Variants in RTBDN observed in about 807,000 individuals in gnomAD.
The protein encoded by RTBDN is retbindin.
RTBDN carries 24 observed loss-of-function variants against 21.9 expected under a neutral mutation model. That is an observed-to-expected ratio of 1.10 (90% CI 0.79 to 1.54). The LOEUF is 1.54. RTBDN is among the 40% of genes most tolerant of loss of function. The pLI, the probability that RTBDN is intolerant of heterozygous loss-of-function variation, is 0.00. For missense variants in RTBDN, 325 were observed against 315.2 expected (o/e 1.03, Z -0.23); for synonymous variants, 141 against 125.9 (o/e 1.12, Z -0.80).
At position 12,834,166 on chromosome 19, in the gene RTBDN, C is replaced by T. The variant is rs1053390481; in HGVS notation, c.-19+323G>A. Among the ~76,000 whole-genome samples the T allele has an allele frequency of 6.6e-6, 1 of 152,116 alleles. No individual in the cohort carries two copies. The highest frequency in any genetic ancestry group is 2.4e-5 in the African/African-American group (1 of 41,444). On this transcript the variant is annotated intron_variant, in intron 1 of 5. Transcript: ENST00000674343. The surrounding 1 kb of genome is among the most constrained non-coding windows in gnomAD (Gnocchi z 4.7). ...GGAACGCTGTGGCCGCGCGTCCCGC[C>T]GCGCTGGGGACCCCGCCCCTCAGGC...
In RTBDN at chr19:12,829,894, C is replaced by A; in HGVS notation, c.86G>T (p.Gly29Val). ...TLAWILLEAC[G>V]GSRPLQARSQ... The stretch of plus-strand genomic sequence containing the variant: ...CCTGGCTTGGAGTGGGCGGCTCCCT[C>A]CACAGGCTTCTAGCAGGATCCATGC... The change falls in exon 2 of 6, where the codon GGA becomes GTA. Residue 29 changes from glycine to valine, a missense_variant. Physicochemically the swap from Gly to Val is moderately radical, Grantham distance 109. Transcript: ENST00000674343. 6.2e-7 allele frequency: 1 copy of A among 1,614,166 alleles called. No individual in the cohort carries two copies. The highest frequency in any genetic ancestry group is 8.5e-7 in the Non-Finnish European group (1 of 1,180,030).
At position 12,830,677 on chromosome 19, in the gene RTBDN, G is replaced by A. The variant is rs919738191; in HGVS notation, c.-18-680C>T. The stretch of plus-strand genomic sequence containing the variant: ...CAGGATCCAGTCCAGGAAACTGGCT[G>A]CTGAAAGGGGCGTGGCTTAATGCAG... On this transcript the variant is annotated intron_variant, in intron 1 of 5. Coordinates refer to ENST00000674343, the MANE Select transcript of RTBDN (RefSeq NM_001270441.2). The surrounding 1 kb of genome is among the most constrained non-coding windows in gnomAD (Gnocchi z 4.2). 27 of 985,460 alleles carry A rather than the reference G, an allele frequency of 2.7e-5. No homozygotes were observed. Among genetic ancestry groups the A allele is most frequent in the Non-Finnish European group, 1.2e-5 (10 of 830,032 alleles). 61.0% of individuals were successfully genotyped at this position (985,460 alleles called of 1,614,324 possible).
chr19:12,827,098 C>T (rs2145846195), intron 4 of RTBDN, among the ~76,000 whole-genome samples: 1 of 152,240 alleles, frequency 6.6e-6, no homozygotes, highest in East Asian at 1.9e-4. Context: ...CTTGTCCCTA[C>T]AGACCTCAGA....
chr19:12,828,799 T>G (rs1205805270), intron 3 of RTBDN, 32 bp from the exon 4 acceptor site: 1 of 1,613,200 alleles, frequency 6.2e-7, no homozygotes, highest in Non-Finnish European at 8.5e-7. Flanking sequence ...GTCGGATGGG[T>G]CAGGACCCGA....
chr19:12,828,930 C>G lies in RTBDN; in HGVS notation c.193G>C (p.Asp65His). The change falls in exon 3 of 6, where the codon GAC becomes CAC. Residue 65 changes from aspartate (D) to histidine (H), a missense_variant. Transcript: ENST00000674343. ...CCAGGGCCCGATGTCTCTGTTGTGT[C>G]CATCTCTGAGGGACAACAAGGTCCT... is the stretch of plus-strand genomic sequence containing the variant. ...LAGPCCPSEM[D>H]TTETSGPGNH... The G allele has an allele frequency of 6.2e-7, 1 of 1,614,148 alleles. No individual in the cohort carries two copies. Among genetic ancestry groups the G allele is most frequent in the Non-Finnish European group, 8.5e-7 (1 of 1,180,020 alleles).
rs755302507 is a variant in RTBDN, at chr19:12,828,729, C to T, written c.293G>A (p.Arg98His). The T allele has an allele frequency of 2.5e-6, 4 of 1,614,052 alleles. No individual in the cohort carries two copies. The highest frequency in any genetic ancestry group is 4.5e-5 in the East Asian group (2 of 44,894). ...CAATAGCCGCAGGCGGAAGCGACTGCGAAGGGCACGTTGGAGGTGTTCCAG... is the reference window on the plus strand; with the variant it reads ...CAATAGCCGCAGGCGGAAGCGACTGTGAAGGGCACGTTGGAGGTGTTCCAG... ...SFLEHLQRAL[R>H]SRFRLRLLGV... Residue 98 changes from arginine to histidine, a missense_variant, in exon 4 of 6, where the codon CGC becomes CAC. Coordinates refer to ENST00000674343, the MANE Select transcript of RTBDN (RefSeq NM_001270441.2).
chr19:12,826,638 G>A (rs1281302411), intron 5 of RTBDN, 137 bp downstream of exon 5: 3 of 737,434 alleles, frequency 4.1e-6, no homozygotes, highest in Admixed American at 2.6e-5. Flanking sequence ...AGGTTGCATC[G>A]AGCTGAGATC....
chr19:12,826,917 T>C, intron 4 of RTBDN, 46 bp from the exon 5 acceptor site: 8 of 1,333,974 alleles, frequency 6.0e-6, no homozygotes, highest in Non-Finnish European at 7.4e-6. Context: ...TGTAGTTACA[T>C]TCCAGCGCGA....
Position 12,834,387 on chromosome 19 carries a change from C to T in RTBDN, c.-19+102G>A. 2.2e-6 allele frequency: 2 copies of T among 891,356 alleles called. No individual in the cohort carries two copies. Among genetic ancestry groups the T allele is most frequent in the Non-Finnish European group, 3.5e-6 (2 of 574,954 alleles). 55.2% of individuals were successfully genotyped at this position (891,356 alleles called of 1,614,324 possible). ...TAGGGCTCATGCCCCTCGGGGCCAT[C>T]GGCGCCGCTGGAGGCGTAAACATGT... On this transcript the variant is annotated intron_variant, in intron 1 of 5. Coordinates refer to ENST00000674343, the MANE Select transcript of RTBDN (RefSeq NM_001270441.2). This position sits in a 1 kb window ranked among gnomAD's most constrained non-coding sequence, Gnocchi z 4.7.
chr19:12,826,070 C>T (rs1456348653), intron 5 of RTBDN, 137 bp from the exon 6 acceptor site: 5 of 1,407,642 alleles, frequency 3.6e-6, no homozygotes, highest in Non-Finnish European at 3.7e-6. Context: ...AGTCTATGTG[C>T]GGAACGTGAG....
intron 4 of RTBDN, among the ~76,000 whole-genome samples, chr19:12,827,423 A>G (rs1232164862): frequency 6.6e-6 from 1 of 151,200 alleles, no homozygotes; most frequent in African/African-American, 2.4e-5. Flanking sequence ...CCCAGGTTCA[A>G]ACAATTCTCC....
chr19:12,834,669 G>C (rs2145871913), upstream of RTBDN: 1 of 1,538,792 alleles, frequency 6.5e-7, no homozygotes, highest in Non-Finnish European at 8.9e-7. This position sits in a 1 kb window ranked among gnomAD's most constrained non-coding sequence, Gnocchi z 4.7. Flanking sequence ...AGAAGATGCT[G>C]GTCTCGAGGC....
At chr19:12,826,627 G>A in intron 5 of RTBDN, 148 bp downstream of exon 5, 1 of 720,248 alleles carries the variant, frequency 1.4e-6, no homozygotes, top group Non-Finnish European at 2.3e-6. Flanking sequence ...CCCGGAGGCG[G>A]AGGTTGCATC....
intron 4 of RTBDN, among the ~76,000 whole-genome samples, chr19:12,827,294 T>C (rs1360722024): frequency 2.6e-5 from 4 of 151,246 alleles, no homozygotes; most frequent in African/African-American, 7.3e-5. Context: ...CCTGGGACTA[T>C]AGGTGCGCAC....
chr19:12,826,962 C>T, intron 4 of RTBDN, 91 bp from the exon 5 acceptor site: 2 of 875,808 alleles, frequency 2.3e-6, no homozygotes, highest in East Asian at 2.7e-5. Context: ...ACTATATGCC[C>T]CCACCTCGGA....
chr19:12,834,952 G>A, upstream of RTBDN: 1 of 1,545,072 alleles, frequency 6.5e-7, no homozygotes, highest in Non-Finnish European at 8.9e-7. The surrounding 1 kb of genome is among the most constrained non-coding windows in gnomAD (Gnocchi z 4.7). Context: ...CCTGGGGTCT[G>A]GCCCTTCTGA....
chr19:12,828,658 A>C lies in RTBDN; in HGVS notation c.364T>G (p.Trp122Gly). 6.2e-7 allele frequency: 1 copy of C among 1,611,552 alleles called. No homozygotes were observed. Among genetic ancestry groups the C allele is most frequent in the Non-Finnish European group, 8.5e-7 (1 of 1,178,546 alleles). The part of the protein sequence containing the change: ...QPLCEELCQA[W>G]FANCEDDITC... ...GCCCCTTGCCCCCGCGTCTCCTACCAGGCCTGGCAGAGCTCCTCGCAGAGC... is the reference window on the plus strand; with the variant it reads ...GCCCCTTGCCCCCGCGTCTCCTACCCGGCCTGGCAGAGCTCCTCGCAGAGC... Residue 122 changes from tryptophan to glycine, a missense_variant and splice_region_variant, in exon 4 of 6, where the codon TGG (tryptophan) becomes GGG (glycine). Transcript: ENST00000674343.
intron 5 of RTBDN, 83 bp from the exon 6 acceptor site, chr19:12,826,016 A>C: frequency 6.9e-7 from 1 of 1,447,828 alleles, no homozygotes; most frequent in Non-Finnish European, 9.1e-7. Context: ...AAAATGTGTA[A>C]ATTCCTTAGG....
At chr19:12,833,739 C>T (rs1407012773) in intron 1 of RTBDN, among the ~76,000 whole-genome samples, 1 of 149,414 alleles carries the variant, frequency 6.7e-6, no homozygotes, top group Non-Finnish European at 1.5e-5. Flanking sequence ...CCCCTTCCCC[C>T]CGCCAGCGCG....
Sources: allele counts gnomAD v4.1 joint callset (sites outside exome capture counted in the v4.1 genomes callset), GRCh38; gene constraint gnomAD v4.1.1; non-coding constraint Gnocchi (gnomAD v3.1); transcripts MANE v1.5; gene names NCBI Gene and HGNC (gene_info 2026-07-23, HGNC 2026-07-21).